The following DTWD2 variants were observed in gnomAD, a reference collection of about 807,000 sequenced individuals.
DTWD2 encodes the protein tRNA-uridine aminocarboxypropyltransferase 2.
A neutral mutation model predicts 31.8 loss-of-function variants in DTWD2; 39 were observed. The ratio of observed to expected loss-of-function variants is 1.22; its 90% CI spans 0.95 to 1.60. DTWD2 has a LOEUF of 1.60. Ranked by LOEUF, DTWD2 falls within the 40% of genes most tolerant of loss-of-function variation. The pLI, the probability that DTWD2 is intolerant of heterozygous loss-of-function variation, is 0.00. For synonymous variants in DTWD2, 180 were observed against 142.8 expected, an observed-to-expected ratio of 1.26 and a Z score of -1.86; for missense variants, 515 against 381.5, an observed-to-expected ratio of 1.35 and a Z score of -2.92.
chr5:118,956,785 ACTC>A (rs1754596807), intron 1 of DTWD2, among the ~76,000 whole-genome samples: 1 of 152,128 alleles, frequency 6.6e-6, no homozygotes, highest in Non-Finnish European at 1.5e-5. Flanking sequence ...AAATTTTTAT[ACTC>A]CTAACATAGC....
chr5:118,979,407 G>A (rs1755242890), intron 1 of DTWD2, among the ~76,000 whole-genome samples: 1 of 152,200 alleles, frequency 6.6e-6, no homozygotes, highest in Non-Finnish European at 1.5e-5. Flanking sequence ...TACTATTGGT[G>A]GAAGTGTAAA....
chr5:118,952,096 G>A (rs965326827), intron 1 of DTWD2, among the ~76,000 whole-genome samples: 1 of 152,192 alleles, frequency 6.6e-6, no homozygotes, highest in Non-Finnish European at 1.5e-5. Context: ...AGAGGACAGA[G>A]AAGACAGTAA....
intron 4 of DTWD2, among the ~76,000 whole-genome samples, chr5:118,863,870 C>T (rs982704506): frequency 3.3e-5 from 5 of 152,042 alleles, no homozygotes; most frequent in African/African-American, 9.7e-5. Flanking sequence ...GAGTACACAA[C>T]ACGCCCAAAG....
At chr5:118,876,130 A>C (rs1342986871) in intron 4 of DTWD2, among the ~76,000 whole-genome samples, 1 of 152,238 alleles carries the variant, frequency 6.6e-6, no homozygotes, top group East Asian at 1.9e-4. Flanking sequence ...AAATGAAGGC[A>C]GAAATCAAGA....
intron 1 of DTWD2, chr5:118,973,958 G>T (rs910993223): frequency 1.3e-6 from 2 of 1,584,028 alleles, no homozygotes; most frequent in African/African-American, 2.7e-5. Context: ...GGTAGATGAA[G>T]AAGAGGAAGA....
At position 118,933,548 on chromosome 5, in the gene DTWD2, C is replaced by T. The variant is rs117413170; in HGVS notation, c.405-4819G>A. On this transcript the variant is annotated intron_variant, in intron 3 of 5. Coordinates refer to ENST00000510708, the MANE Select transcript of DTWD2 (RefSeq NM_173666.4). The stretch of plus-strand genomic sequence containing the variant: ...CCACATCAATGGACTAAAGAAGAAA[C>T]ATCAAAGGACTGTATCAATTCACAA... 1.3e-3 allele frequency among the ~76,000 whole-genome samples: 193 copies of T among 152,138 alleles called. 1 individual carries two copies. In the East Asian group the frequency reaches 0.033, roughly 26 times the overall value.
At chr5:118,979,807 A>G (rs1755256984) in intron 1 of DTWD2, among the ~76,000 whole-genome samples, 1 of 152,242 alleles carries the variant, frequency 6.6e-6, no homozygotes, top group Non-Finnish European at 1.5e-5. Context: ...ATGAGAACAC[A>G]CAGACACAAA....
chr5:118,944,846 C>A (rs1754297420), intron 1 of DTWD2, among the ~76,000 whole-genome samples, 197 bp from the exon 2 acceptor site: 1 of 152,088 alleles, frequency 6.6e-6, no homozygotes, highest in Admixed American at 6.5e-5. Flanking sequence ...CAAGTAAATT[C>A]TTTACCACTT....
rs1398682528 is a variant in DTWD2, at chr5:118,840,391, T to C, written c.*526A>G. On this transcript the variant is annotated 3_prime_UTR_variant, in exon 6 of 6. Coordinates refer to ENST00000510708, the MANE Select transcript of DTWD2 (RefSeq NM_173666.4). ...AAATCATATTAGCTGAGTTCAAATTTGGCCCCTAAACAATACTTAAAATTT... is the reference window on the plus strand; with the variant it reads ...AAATCATATTAGCTGAGTTCAAATTCGGCCCCTAAACAATACTTAAAATTT... 6.6e-6 allele frequency: 1 copy of C among 152,230 alleles called. No homozygotes were observed. Among genetic ancestry groups the C allele is most frequent in the African/African-American group, 2.4e-5 (1 of 41,464 alleles). The allele number at this position is 152,230 out of a possible 1,614,324, so 9.4% of individuals were successfully genotyped here. A position where few individuals can be genotyped will look rare whatever the true frequency, so the allele number is the denominator to read the frequency against.
intron 4 of DTWD2, among the ~76,000 whole-genome samples, chr5:118,872,345 G>A (rs921729066): frequency 6.6e-6 from 1 of 152,148 alleles, no homozygotes; most frequent in Admixed American, 6.5e-5. Flanking sequence ...TGGTACAAGA[G>A]GCCTAGTTTT....
chr5:118,924,374 C>T (rs770393518), intron 4 of DTWD2, among the ~76,000 whole-genome samples: 84 of 152,284 alleles, frequency 5.5e-4, no homozygotes, highest in Non-Finnish European at 1.0e-3. Flanking sequence ...AGCCTGAAGC[C>T]TCTCCTACTC....
At chr5:118,881,005 T>A (rs1300269906) in intron 4 of DTWD2, among the ~76,000 whole-genome samples, 7 of 152,216 alleles carry the variant, frequency 4.6e-5, no homozygotes, top group African/African-American at 1.7e-4. Flanking sequence ...ATTAGTAACT[T>A]CATCCAACAG....
intron 1 of DTWD2, among the ~76,000 whole-genome samples, chr5:118,953,116 C>T (rs77605623): frequency 0.021 from 3,198 of 152,246 alleles, 63 homozygotes; most frequent in Non-Finnish European, 0.028. Context: ...TGAGCCCCAG[C>T]CCTCAGAGCT....
At chr5:118,922,652 G>C (rs572410380) in intron 4 of DTWD2, among the ~76,000 whole-genome samples, 75 of 152,224 alleles carry the variant, frequency 4.9e-4, no homozygotes, top group African/African-American at 1.8e-3. Context: ...TTTATAAAGA[G>C]CACCTTGAGT....
At chr5:118,843,366 G>A (rs894769771) in intron 5 of DTWD2, among the ~76,000 whole-genome samples, 3 of 113,564 alleles carry the variant, frequency 2.6e-5, no homozygotes, top group African/African-American at 9.8e-5. Context: ...AGGAAGGGAG[G>A]AAGGGAGGAA....
chr5:118,984,805 C>CAA (rs1482623543), intron 1 of DTWD2, among the ~76,000 whole-genome samples: 2 of 152,082 alleles, frequency 1.3e-5, no homozygotes, highest in Non-Finnish European at 2.9e-5. Context: ...ATGACTCATC[C>CAA]TCAAATGCAT....
intron 4 of DTWD2, among the ~76,000 whole-genome samples, chr5:118,859,399 A>T (rs1352025516): frequency 1.3e-5 from 2 of 152,174 alleles, no homozygotes; most frequent in Admixed American, 6.5e-5. Context: ...AAAGTATCAT[A>T]AAGTATTATG....
At chr5:118,940,616 A>G (rs1754157078) in intron 2 of DTWD2, among the ~76,000 whole-genome samples, 1 of 152,218 alleles carries the variant, frequency 6.6e-6, no homozygotes, top group Admixed American at 6.5e-5. Context: ...AACAGCTAAT[A>G]TTAAGGCACA....
intron 4 of DTWD2, among the ~76,000 whole-genome samples, chr5:118,863,573 T>C (rs1375572392): frequency 6.6e-6 from 1 of 152,180 alleles, no homozygotes; most frequent in East Asian, 1.9e-4. Context: ...TGTGTGTCAC[T>C]TCATACAGAA....
Sources: gnomAD v4.1 joint callset for allele counts (sites outside exome capture counted in the v4.1 genomes callset) on GRCh38, gnomAD v4.1.1 for gene constraint, MANE v1.5 for transcripts, NCBI Gene and HGNC (gene_info 2026-07-23, HGNC 2026-07-21) for gene names.